The following EEPD1 variants were observed in gnomAD, a reference collection of about 807,000 sequenced individuals.
EEPD1 encodes endonuclease/exonuclease/phosphatase family domain containing 1.
Under a neutral mutation model 46.3 loss-of-function variants are expected in EEPD1, and 17 were observed. The ratio of observed to expected loss-of-function variants is 0.37; its 90% CI spans 0.25 to 0.55. The LOEUF is 0.55. Among genes scored for constraint, EEPD1 ranks in the 20% least tolerant of loss-of-function variants. The pLI is 0.83. For synonymous variants in EEPD1, 313 were observed against 315.6 expected (o/e 0.99, Z 0.09); for missense variants, 673 against 745.6 (o/e 0.90, Z 1.13).
chr7:36,185,943 A>G (rs971365149), intron 2 of EEPD1, among the ~76,000 whole-genome samples: 5 of 152,238 alleles, frequency 3.3e-5, no homozygotes, highest in Admixed American at 2.0e-4. Flanking sequence ...GAAAGGGCCC[A>G]TTTAACACTG....
At chr7:36,272,615 G>A (rs375724164) in intron 3 of EEPD1, among the ~76,000 whole-genome samples, 7 of 151,374 alleles carry the variant, frequency 4.6e-5, no homozygotes, top group East Asian at 3.9e-4. Context: ...ACCAGCAGTC[G>A]CTCGTGGTGG....
chr7:36,158,244 C>G (rs1444392061), intron 2 of EEPD1, among the ~76,000 whole-genome samples: 1 of 152,194 alleles, frequency 6.6e-6, no homozygotes, highest in Non-Finnish European at 1.5e-5. Context: ...GACCTATGCC[C>G]TTTGCAAGCA....
At chr7:36,233,934 T>C (rs1259244814) in intron 2 of EEPD1, among the ~76,000 whole-genome samples, 2 of 152,160 alleles carry the variant, frequency 1.3e-5, no homozygotes, top group East Asian at 3.9e-4. Flanking sequence ...TTGTTTGTTT[T>C]TTAAGACAGA....
intron 3 of EEPD1, among the ~76,000 whole-genome samples, chr7:36,246,497 T>C (rs761693088): frequency 6.6e-5 from 10 of 152,214 alleles, no homozygotes; most frequent in Non-Finnish European, 8.8e-5. Context: ...TACTATCCCC[T>C]CTACTGCTAA....
chr7:36,203,835 A>G (rs566734030), intron 2 of EEPD1, among the ~76,000 whole-genome samples: 2 of 152,296 alleles, frequency 1.3e-5, no homozygotes, highest in East Asian at 3.9e-4. Context: ...CATAAATACT[A>G]CCACTCAGAA....
intron 3 of EEPD1, among the ~76,000 whole-genome samples, chr7:36,249,642 G>A (rs1786701139): frequency 6.6e-6 from 1 of 152,114 alleles, no homozygotes; most frequent in African/African-American, 2.4e-5. Flanking sequence ...GGGAGAATAA[G>A]CCGCTGTACC....
chr7:36,295,005 C>T (rs1026181353), intron 6 of EEPD1, among the ~76,000 whole-genome samples: 1 of 151,940 alleles, frequency 6.6e-6, no homozygotes, highest in Non-Finnish European at 1.5e-5. Flanking sequence ...TGGTAAAACC[C>T]CATCTCTACT....
At chr7:36,181,619 G>A (rs780494282) in intron 2 of EEPD1, among the ~76,000 whole-genome samples, 6 of 152,160 alleles carry the variant, frequency 3.9e-5, no homozygotes, top group African/African-American at 9.7e-5. Context: ...ATGTTACAGG[G>A]AAATGTGGCA....
intron 7 of EEPD1, among the ~76,000 whole-genome samples, chr7:36,298,370 G>A (rs923763696): frequency 2.0e-5 from 3 of 152,182 alleles, no homozygotes; most frequent in African/African-American, 2.4e-5. Context: ...GGTCAGCAGT[G>A]TGTGCCAAAG....
chr7:36,232,669 A>C (rs191152453), intron 2 of EEPD1, among the ~76,000 whole-genome samples: 1 of 149,678 alleles, frequency 6.7e-6, no homozygotes. Context: ...TGGAGTGTTG[A>C]GAAGAATTTG....
chr7:36,183,875 GT>G lies in EEPD1; in HGVS notation c.878+28686del, dbSNP rs35033256. ...TTTATCCGGATTATTCCTAGCCCTC[GT>G]TTTTTTTTTTTTATTTTTAAAAAAA... On this transcript the variant is annotated intron_variant, in intron 2 of 7. Transcript: ENST00000242108. 1.3e-3 allele frequency among the ~76,000 whole-genome samples: 66 copies of G among 51,954 alleles called. 2 individuals carry two copies. Among genetic ancestry groups the G allele is most frequent in the African/African-American group, 2.4e-3 (60 of 25,302 alleles). The allele number at this position is 51,954 out of a possible 152,430, so 34.1% of individuals were successfully genotyped here. A position where few individuals can be genotyped will look rare whatever the true frequency, so the allele number is the denominator to read the frequency against.
chr7:36,226,955 G>T (rs1786240632), intron 2 of EEPD1, among the ~76,000 whole-genome samples: 1 of 152,046 alleles, frequency 6.6e-6, no homozygotes, highest in African/African-American at 2.4e-5. Context: ...ATTAGAAAAA[G>T]AATGGTACAA....
chr7:36,170,614 T>C (rs1785062308), intron 2 of EEPD1, among the ~76,000 whole-genome samples: 1 of 151,958 alleles, frequency 6.6e-6, no homozygotes, highest in South Asian at 2.1e-4. Flanking sequence ...TTAAATTATC[T>C]TTTTTTCTTC....
intron 2 of EEPD1, among the ~76,000 whole-genome samples, chr7:36,161,686 G>T (rs541175375): frequency 4.6e-5 from 7 of 152,224 alleles, no homozygotes; most frequent in Admixed American, 1.3e-4. Context: ...AAGCAGGAAG[G>T]TGTGTGTCAT....
chr7:36,175,416 G>C (rs889500227), intron 2 of EEPD1, among the ~76,000 whole-genome samples: 1 of 152,082 alleles, frequency 6.6e-6, no homozygotes, highest in Non-Finnish European at 1.5e-5. Context: ...TTTTTTTGTA[G>C]AGATGAGGTC....
chr7:36,206,123 A>G (rs1785812768), intron 2 of EEPD1, among the ~76,000 whole-genome samples: 1 of 152,164 alleles, frequency 6.6e-6, no homozygotes, highest in Non-Finnish European at 1.5e-5. Flanking sequence ...AGATTGAGTG[A>G]TAACAGGGCT....
chr7:36,291,840 T>G (rs1019858416), intron 6 of EEPD1, among the ~76,000 whole-genome samples: 1 of 152,196 alleles, frequency 6.6e-6, no homozygotes, highest in African/African-American at 2.4e-5. Context: ...CCTCCTGCTG[T>G]GGGACAACAA....
At chr7:36,196,572 T>A (rs1318360047) in intron 2 of EEPD1, among the ~76,000 whole-genome samples, 5 of 152,222 alleles carry the variant, frequency 3.3e-5, no homozygotes, top group Non-Finnish European at 5.9e-5. Flanking sequence ...CCGCCACGCC[T>A]GACTGGTTTT....
intron 2 of EEPD1, among the ~76,000 whole-genome samples, chr7:36,196,429 C>G (rs553373934): frequency 6.6e-6 from 1 of 152,274 alleles, no homozygotes; most frequent in Admixed American, 6.5e-5. Flanking sequence ...TCTCCCTCTC[C>G]CTCTCCTTTC....
Sources: allele counts gnomAD v4.1 joint callset (sites outside exome capture counted in the v4.1 genomes callset), GRCh38; gene constraint gnomAD v4.1.1; transcripts MANE v1.5; gene names NCBI Gene and HGNC (gene_info 2026-07-23, HGNC 2026-07-21).